SLC4A10: variants seen among roughly 807,000 people sequenced by gnomAD.
The protein encoded by SLC4A10 is sodium-driven chloride bicarbonate exchanger.
SLC4A10 carries 42 observed loss-of-function variants against 137.7 expected under a neutral mutation model. The observed-to-expected ratio is 0.30, with a 90% CI of 0.24 to 0.39. SLC4A10 has a LOEUF of 0.39. SLC4A10 is among the 10% of genes least tolerant of loss of function. The pLI is 1.00. For missense variants in SLC4A10, 925 were observed against 1,355.0 expected (o/e 0.68, Z 4.98); for synonymous variants, 474 against 464.1 (o/e 1.02, Z -0.27).
intron 6 of SLC4A10, among the ~76,000 whole-genome samples, chr2:161,869,909 T>A (rs1382079570): frequency 6.6e-6 from 1 of 151,528 alleles, no homozygotes; most frequent in Non-Finnish European, 1.5e-5. Flanking sequence ...TATATTAGCA[T>A]ACATTCTATA....
chr2:161,682,074 T>C (rs1336849986), intron 1 of SLC4A10, among the ~76,000 whole-genome samples: 1 of 152,168 alleles, frequency 6.6e-6, no homozygotes, highest in African/African-American at 2.4e-5. Flanking sequence ...CATCCTTACT[T>C]TGTCCATTTT....
chr2:161,801,211 T>C (rs756231257), intron 2 of SLC4A10, among the ~76,000 whole-genome samples: 8 of 152,064 alleles, frequency 5.3e-5, no homozygotes, highest in African/African-American at 9.7e-5. Flanking sequence ...ACCATATTTC[T>C]TGAGGCCATT....
chr2:161,645,352 T>C (rs2035890344), intron 1 of SLC4A10, among the ~76,000 whole-genome samples: 1 of 152,078 alleles, frequency 6.6e-6, no homozygotes, highest in Non-Finnish European at 1.5e-5. Context: ...TTATAATATT[T>C]TCTCATAACT....
rs111987492 is a variant in SLC4A10 at position 161,803,677 on chromosome 2, G to C, written c.131-772G>C. 4.3e-3 allele frequency among the ~76,000 whole-genome samples: 649 copies of C among 152,168 alleles called. 5 individuals are homozygous for C. The highest frequency in any genetic ancestry group is 0.015 in the African/African-American group (619 of 41,532). The stretch of plus-strand genomic sequence containing the variant: ...CAATATGCATTAACAGTTCTCTCAT[G>C]TCTTTTTTGTGGTTGACAGCTCATT... On this transcript the variant is annotated intron_variant, in intron 2 of 26. Coordinates refer to ENST00000446997, the MANE Select transcript of SLC4A10 (RefSeq NM_001178015.2).
At chr2:161,746,979 T>C (rs952573963) in intron 1 of SLC4A10, among the ~76,000 whole-genome samples, 17 of 152,132 alleles carry the variant, frequency 1.1e-4, no homozygotes, top group African/African-American at 3.9e-4. Flanking sequence ...TCCTCTTTAC[T>C]CTTCCCTCTC....
chr2:161,816,693 T>C (rs2057102071), intron 3 of SLC4A10, among the ~76,000 whole-genome samples: 1 of 144,060 alleles, frequency 6.9e-6, no homozygotes, highest in African/African-American at 2.5e-5. Flanking sequence ...TGTGTTCTCA[T>C]TGTTCAATTC....
At chr2:161,821,616 C>T (rs1017248892) in intron 3 of SLC4A10, among the ~76,000 whole-genome samples, 1 of 152,116 alleles carries the variant, frequency 6.6e-6, no homozygotes, top group African/African-American at 2.4e-5. Flanking sequence ...AACAAGACAG[C>T]ATCTCTAATA....
chr2:161,935,897 A>G (rs142846311), intron 15 of SLC4A10, among the ~76,000 whole-genome samples: 197 of 152,220 alleles, frequency 1.3e-3, no homozygotes, highest in African/African-American at 4.6e-3. Flanking sequence ...ACTTTTCACC[A>G]TTGAATAAGA....
chr2:161,734,829 T>C (rs180830283), intron 1 of SLC4A10, among the ~76,000 whole-genome samples: 2 of 152,266 alleles, frequency 1.3e-5, no homozygotes, highest in African/African-American at 4.8e-5. Context: ...TCTTGAATTG[T>C]ATTAATACCT....
intron 22 of SLC4A10, 42 bp downstream of exon 22, chr2:161,964,350 G>T: frequency 6.3e-7 from 1 of 1,592,974 alleles, no homozygotes; most frequent in South Asian, 1.1e-5. Flanking sequence ...TCTCTGATTT[G>T]CTGGTCTCTT....
At position 161,974,277 on chromosome 2, in the gene SLC4A10, A is replaced by C; in HGVS notation, c.3188A>C (p.Asp1063Ala). 1 of 1,608,826 alleles carries C rather than the reference A, an allele frequency of 6.2e-7. No homozygotes were observed. Among genetic ancestry groups the C allele is most frequent in the South Asian group, 1.1e-5 (1 of 89,454 alleles). The change falls in exon 24 of 27, where the codon GAT becomes GCT. Residue 1063 changes from aspartate to alanine, a missense_variant. By Grantham distance (126) the Asp-to-Ala change is moderately radical. This residue lies in a region of SLC4A10 where 84 missense variants were observed against 76.9 expected (regional missense o/e 1.09). Coordinates refer to ENST00000446997, the MANE Select transcript of SLC4A10 (RefSeq NM_001178015.2). ...EEEQSMLAMEDEGTVQLPLEG... is the reference protein window; with the variant it reads ...EEEQSMLAMEAEGTVQLPLEG... ...GAACAAAGTATGCTAGCTATGGAAG[A>C]TGAGGGCACAGTACAACTCCCATTG...
chr2:161,637,038 T>C (rs1236448411), intron 1 of SLC4A10, among the ~76,000 whole-genome samples: 1 of 144,592 alleles, frequency 6.9e-6, no homozygotes, highest in Non-Finnish European at 1.5e-5. Context: ...AAAAATTATT[T>C]ATGTATATAG....
chr2:161,857,293 T>G (rs909944490), intron 5 of SLC4A10, among the ~76,000 whole-genome samples: 1 of 152,194 alleles, frequency 6.6e-6, no homozygotes, highest in Non-Finnish European at 1.5e-5. Context: ...AGTTGACGTC[T>G]TGATACCCTA....
At chr2:161,963,253 C>T (rs1212131908) in intron 21 of SLC4A10, among the ~76,000 whole-genome samples, 5 of 151,936 alleles carry the variant, frequency 3.3e-5, no homozygotes, top group Non-Finnish European at 7.4e-5. Flanking sequence ...AAAAAGCCCT[C>T]AAAGTCAAAG....
intron 3 of SLC4A10, among the ~76,000 whole-genome samples, chr2:161,831,650 A>G (rs2058441147): frequency 6.6e-6 from 1 of 152,194 alleles, no homozygotes; most frequent in Non-Finnish European, 1.5e-5. Context: ...GGTAAAAATC[A>G]TATAATCTGT....
intron 1 of SLC4A10, among the ~76,000 whole-genome samples, chr2:161,722,439 C>G (rs992185290): frequency 6.6e-6 from 1 of 152,188 alleles, no homozygotes; most frequent in African/African-American, 2.4e-5. Flanking sequence ...AGTTAGGCCT[C>G]TCTTCCACAG....
At chr2:161,902,533 G>A (rs1683356561) in intron 12 of SLC4A10, among the ~76,000 whole-genome samples, 1 of 152,076 alleles carries the variant, frequency 6.6e-6, no homozygotes, top group South Asian at 2.1e-4. Flanking sequence ...TGATCTTTAT[G>A]TGTACAAATA....
intron 1 of SLC4A10, among the ~76,000 whole-genome samples, chr2:161,658,140 ATATGC>A (rs1294653580): frequency 2.4e-4 from 36 of 152,182 alleles, no homozygotes; most frequent in Admixed American, 2.4e-3. Context: ...TCTTTTCAAC[ATATGC>A]TTACAGATTG....
At chr2:161,768,875 G>GT (rs2051217331) in intron 1 of SLC4A10, among the ~76,000 whole-genome samples, 2 of 151,998 alleles carry the variant, frequency 1.3e-5, no homozygotes, top group Admixed American at 6.6e-5. Flanking sequence ...CAGTTCCCTT[G>GT]TAATACCTGA....
Sources: gnomAD v4.1 joint callset for allele counts (sites outside exome capture counted in the v4.1 genomes callset) on GRCh38, gnomAD v4.1.1 for gene constraint, gnomAD v4.1.1 regional missense constraint, MANE v1.5 for transcripts, NCBI Gene and HGNC (gene_info 2026-07-23, HGNC 2026-07-21) for gene names.